CCDC85C: variants seen among roughly 807,000 people sequenced by gnomAD.
CCDC85C encodes the protein coiled-coil domain-containing protein 85C.
CCDC85C carries 18 observed loss-of-function variants against 38.3 expected under a neutral mutation model. That is an observed-to-expected ratio of 0.47 (90% CI 0.33 to 0.70). The LOEUF is 0.70. CCDC85C is among the 30% of genes least tolerant of loss of function. The pLI is 0.03. For missense variants in CCDC85C, 566 were observed against 621.2 expected, an observed-to-expected ratio of 0.91 and a Z score of 0.94; for synonymous variants, 264 against 293.8, an observed-to-expected ratio of 0.90 and a Z score of 1.04.
chr14:99,510,374 G>A lies in CCDC85C; in HGVS notation c.*4872C>T. 6.3e-7 allele frequency: 1 copy of A among 1,576,014 alleles called. No individual in the cohort carries two copies. The highest frequency in any genetic ancestry group is 8.6e-7 in the Non-Finnish European group (1 of 1,164,470). ...CCTACATGTCTGGAGAGGGCTACCA[G>A]AGCCTGCAGTCCATGATGAAGACCG... On this transcript the variant is annotated 3_prime_UTR_variant, in exon 6 of 6. Transcript: ENST00000380243.
chr14:99,600,454 C>A (rs1395082838), intron 1 of CCDC85C, among the ~76,000 whole-genome samples: 2 of 152,204 alleles, frequency 1.3e-5, no homozygotes, highest in Non-Finnish European at 2.9e-5. Flanking sequence ...CACTTCCCAG[C>A]ATGGGAGAAA....
intron 1 of CCDC85C, among the ~76,000 whole-genome samples, chr14:99,602,786 G>A (rs78942089): frequency 0.089 from 13,569 of 152,178 alleles, 728 homozygotes; most frequent in Non-Finnish European, 0.12. Flanking sequence ...TGCGCTCAAG[G>A]GGCCTTGTAT....
chr14:99,554,959 G>A (rs563707480), intron 1 of CCDC85C, among the ~76,000 whole-genome samples: 3 of 152,320 alleles, frequency 2.0e-5, no homozygotes, highest in African/African-American at 7.2e-5. Flanking sequence ...TAGGCCCATG[G>A]GGGCCTCAGG....
In CCDC85C at chr14:99,503,226, C is replaced by A; in HGVS notation, c.*12020G>T. 1 of 672,988 alleles carries A rather than the reference C, an allele frequency of 1.5e-6. No homozygotes were observed. The highest frequency in any genetic ancestry group is 1.6e-5 in the South Asian group (1 of 61,644). The allele number at this position is 672,988 out of a possible 1,614,324, so 41.7% of individuals were successfully genotyped here. A position where few individuals can be genotyped will look rare whatever the true frequency, so the allele number is the denominator to read the frequency against. The stretch of plus-strand genomic sequence containing the variant: ...CTCCAGCCCTGCTGCCTGTTTCATC[C>A]CTGCCAGGGTTCTGAAGCCTGTCGG... On this transcript the variant is annotated 3_prime_UTR_variant, in exon 6 of 6. Transcript: ENST00000380243.
In CCDC85C at chr14:99,516,329, C is replaced by T; in HGVS notation, c.1072-43G>A. 6.9e-7 allele frequency: 1 copy of T among 1,446,472 alleles called. No homozygotes were observed. Among genetic ancestry groups the T allele is most frequent in the Non-Finnish European group, 9.5e-7 (1 of 1,053,512 alleles). 89.6% of individuals were successfully genotyped at this position (1,446,472 alleles called of 1,614,324 possible). A position where few individuals can be genotyped will look rare whatever the true frequency, so the allele number is the denominator to read the frequency against. ...CGGGGTCAGGGGCAGAGGCCACCGG[C>T]AGACCTCGGGCAAGTCACCTGGCCC... On this transcript the variant is annotated intron_variant, in intron 4 of 5. Transcript: ENST00000380243. The surrounding 1 kb of genome is among the most constrained non-coding windows in gnomAD (Gnocchi z 5.5).
At position 99,505,156 on chromosome 14, in the gene CCDC85C, A is replaced by G. The variant is rs3918096; in HGVS notation, c.*10090T>C. ...TTAGCAGGGGAATGGCAGAGTCTAA[A>G]TTCATTTGAGAAGGAGTCCCCTGGC... On this transcript the variant is annotated 3_prime_UTR_variant, in exon 6 of 6. Coordinates refer to ENST00000380243, the MANE Select transcript of CCDC85C (RefSeq NM_001144995.2). The G allele has an allele frequency of 2.6e-5, 4 of 152,278 alleles. No individual in the cohort carries two copies. Among genetic ancestry groups the G allele is most frequent in the African/African-American group, 9.6e-5 (4 of 41,454 alleles). The allele number at this position is 152,278 out of a possible 1,614,324, so 9.4% of individuals were successfully genotyped here.
Position 99,516,352 on chromosome 14 carries a change from C to A in CCDC85C, c.1072-66G>T. On this transcript the variant is annotated intron_variant, in intron 4 of 5. Transcript: ENST00000380243. The surrounding 1 kb of genome is among the most constrained non-coding windows in gnomAD (Gnocchi z 5.5). ...GGCAGACCTCGGGCAAGTCACCTGG[C>A]CCCTGATCCTCAGCCTCCCCTGCTG... 8.5e-7 allele frequency: 1 copy of A among 1,182,756 alleles called. No homozygotes were observed. Among genetic ancestry groups the A allele is most frequent in the Non-Finnish European group, 1.2e-6 (1 of 815,074 alleles). 73.3% of individuals were successfully genotyped at this position (1,182,756 alleles called of 1,614,324 possible).
chr14:99,527,117 G>A (rs908589247), intron 2 of CCDC85C, among the ~76,000 whole-genome samples: 1 of 152,284 alleles, frequency 6.6e-6, no homozygotes, highest in Non-Finnish European at 1.5e-5. Context: ...AACTGCACCA[G>A]AGTTGTTCCC....
Position 99,500,591 on chromosome 14 carries a change from A to G in CCDC85C, c.*14655T>C. ...GTCTTCCTGTTTGAGATCTTTTCAGAATTTATCAGTGTCTCTGAGCATGTT... is the reference window on the plus strand; with the variant it reads ...GTCTTCCTGTTTGAGATCTTTTCAGGATTTATCAGTGTCTCTGAGCATGTT... On this transcript the variant is annotated 3_prime_UTR_variant, in exon 6 of 6. Coordinates refer to ENST00000380243, the MANE Select transcript of CCDC85C (RefSeq NM_001144995.2). The G allele has an allele frequency of 1.7e-6, 1 of 577,262 alleles. No individual in the cohort carries two copies. The highest frequency in any genetic ancestry group is 2.2e-5 in the South Asian group (1 of 46,058). The allele number at this position is 577,262 out of a possible 1,614,324, so 35.8% of individuals were successfully genotyped here.
At chr14:99,593,726 G>A (rs2055114168) in intron 1 of CCDC85C, among the ~76,000 whole-genome samples, 1 of 152,256 alleles carries the variant, frequency 6.6e-6, no homozygotes, top group African/African-American at 2.4e-5. Context: ...CTCGCCCCTA[G>A]CTGGCCTGCT....
chr14:99,579,095 A>G (rs1051133182), intron 1 of CCDC85C, among the ~76,000 whole-genome samples: 1 of 152,228 alleles, frequency 6.6e-6, no homozygotes, highest in African/African-American at 2.4e-5. Context: ...CTCAGGTCAC[A>G]CCATGGAGGC....
chr14:99,579,494 C>G (rs954717745), intron 1 of CCDC85C, among the ~76,000 whole-genome samples: 1 of 152,234 alleles, frequency 6.6e-6, no homozygotes, highest in African/African-American at 2.4e-5. Flanking sequence ...GCCCTCCCAG[C>G]CCTGGTCCTT....
At chr14:99,546,430 G>T (rs12433182) in intron 1 of CCDC85C, among the ~76,000 whole-genome samples, 1 of 151,718 alleles carries the variant, frequency 6.6e-6, no homozygotes, top group African/African-American at 2.4e-5. Flanking sequence ...CTGGGAGAGC[G>T]GCTCAGGGAA....
chr14:99,584,175 G>A (rs901984356), intron 1 of CCDC85C, among the ~76,000 whole-genome samples: 5 of 152,132 alleles, frequency 3.3e-5, no homozygotes, highest in African/African-American at 7.2e-5. Flanking sequence ...CTACAGGTGC[G>A]CATAGCCGTG....
At chr14:99,578,120 G>T (rs961788249) in intron 1 of CCDC85C, among the ~76,000 whole-genome samples, 2 of 146,188 alleles carry the variant, frequency 1.4e-5, no homozygotes, top group Non-Finnish European at 1.5e-5. Context: ...GTGTGTGTGT[G>T]TGTGTGTGTG....
At position 99,514,423 on chromosome 14, in the gene CCDC85C, TGTGGCTCA is replaced by T. The variant is rs895238045; in HGVS notation, c.*815_*822del. The T allele has an allele frequency of 3.3e-5, 5 of 152,344 alleles. No homozygotes were observed. Among genetic ancestry groups the T allele is most frequent in the African/African-American group, 1.2e-4 (5 of 41,422 alleles). The allele number at this position is 152,344 out of a possible 1,614,324, so 9.4% of individuals were successfully genotyped here. On this transcript the variant is annotated 3_prime_UTR_variant, in exon 6 of 6. Transcript: ENST00000380243. ...AGTGCTGCCCATCAGGAAAATCACATGTGGCTCAGCCCAGAAACTCTCCCCAGGCCCTT... is the reference window on the plus strand; with the variant it reads ...AGTGCTGCCCATCAGGAAAATCACATGCCCAGAAACTCTCCCCAGGCCCTT...
intron 1 of CCDC85C, among the ~76,000 whole-genome samples, chr14:99,595,392 G>A (rs756011896): frequency 4.6e-5 from 7 of 152,116 alleles, no homozygotes; most frequent in East Asian, 3.9e-4. Flanking sequence ...CATTACAGGC[G>A]CGTGCCACCA....
Position 99,517,134 on chromosome 14 carries a change from T to C in CCDC85C, c.1025A>G (p.Tyr342Cys), listed in dbSNP as rs1346770540. ...CTCGGGCTTCTGTCCTGCAGGGCTG[T>C]AGCCAGCAGAGGGGGGCGAGGGCAG... Reference protein sequence around the residue: ...PELPSPPSAGYSPAGQKPEAV... With the variant: ...PELPSPPSAGCSPAGQKPEAV... Residue 342 changes from tyrosine (Y) to cysteine (C), a missense_variant, in exon 4 of 6, where the codon TAC (tyrosine) becomes TGC (cysteine). Tyr to Cys is a radical substitution (Grantham distance 194). Around this residue, in one of 3 missense-constraint regions of CCDC85C, gnomAD observed 286 missense variants for 276.4 expected, o/e 1.03. Coordinates refer to ENST00000380243, the MANE Select transcript of CCDC85C (RefSeq NM_001144995.2). 3 of 1,550,258 alleles carry C rather than the reference T, an allele frequency of 1.9e-6. No homozygotes were observed. The Admixed American group carries it at 5.9e-5, about 30-fold the overall frequency.
chr14:99,510,252 G>GGCCCCCCC lies in CCDC85C; in HGVS notation c.*4993_*4994insGGGGGGGC. On this transcript the variant is annotated 3_prime_UTR_variant, in exon 6 of 6. Coordinates refer to ENST00000380243, the MANE Select transcript of CCDC85C (RefSeq NM_001144995.2). ...CCCCAAAGTCCAGATTCCCCCTCCG[G>GGCCCCCCC]CCCACCCGGCCCCTGTGCACCAGCC... 1.9e-6 allele frequency: 3 copies of GGCCCCCCC among 1,558,566 alleles called. No homozygotes were observed. The highest frequency in any genetic ancestry group is 2.2e-4 in the Middle Eastern group (1 of 4,536).
Sources: allele counts gnomAD v4.1 joint callset (sites outside exome capture counted in the v4.1 genomes callset), GRCh38; gene constraint gnomAD v4.1.1; regional missense constraint gnomAD v4.1.1; non-coding constraint Gnocchi (gnomAD v3.1); transcripts MANE v1.5; gene names NCBI Gene and HGNC (gene_info 2026-07-23, HGNC 2026-07-21).